SNTG1: variants seen among roughly 807,000 people sequenced by gnomAD.
SNTG1 encodes the protein syntrophin gamma 1.
SNTG1 carries 39 observed loss-of-function variants against 74.7 expected under a neutral mutation model. The ratio of observed to expected loss-of-function variants is 0.52; its 90% CI spans 0.40 to 0.68. The LOEUF is 0.68. Ranked by LOEUF, SNTG1 falls within the 30% of genes least tolerant of loss-of-function variation. The pLI is 0.00. For synonymous variants in SNTG1, 254 were observed against 217.1 expected, an observed-to-expected ratio of 1.17 and a Z score of -1.49; for missense variants, 685 against 609.5, an observed-to-expected ratio of 1.12 and a Z score of -1.30.
intron 2 of SNTG1, among the ~76,000 whole-genome samples, chr8:50,381,343 G>A (rs1209019926): frequency 2.0e-5 from 3 of 151,034 alleles, no homozygotes; most frequent in Admixed American, 6.6e-5. Context: ...TCATATTTTA[G>A]TACAAATCAA....
intron 1 of SNTG1, among the ~76,000 whole-genome samples, chr8:49,941,143 A>G (rs1285078494): frequency 2.0e-5 from 3 of 152,080 alleles, no homozygotes; most frequent in Non-Finnish European, 4.4e-5. Flanking sequence ...CTGACAACGC[A>G]AGAGTGGGTG....
At chr8:50,710,763 G>A (rs557111802) in intron 17 of SNTG1, among the ~76,000 whole-genome samples, 16 of 152,290 alleles carry the variant, frequency 1.1e-4, no homozygotes, top group African/African-American at 2.6e-4. Flanking sequence ...GAACGAGTGC[G>A]TAGTCAGGAG....
At chr8:50,557,670 G>A (rs931167) in intron 12 of SNTG1, among the ~76,000 whole-genome samples, 14,445 of 152,182 alleles carry the variant, frequency 0.095, 880 homozygotes, top group African/African-American at 0.17. Context: ...GGCCCACTCA[G>A]GTATTCCAGT....
chr8:50,745,655 CAA>C (rs2095553460), intron 17 of SNTG1, among the ~76,000 whole-genome samples: 1 of 151,974 alleles, frequency 6.6e-6, no homozygotes, highest in Non-Finnish European at 1.5e-5. Flanking sequence ...GAATGCAACT[CAA>C]GTGTCGGTCG....
chr8:50,478,624 C>G (rs971156666), intron 8 of SNTG1, among the ~76,000 whole-genome samples: 1 of 152,126 alleles, frequency 6.6e-6, no homozygotes, highest in Non-Finnish European at 1.5e-5. Context: ...CTTTCCTTCT[C>G]TTTCTGTGAG....
chr8:50,459,330 A>C (rs753531719), intron 8 of SNTG1, among the ~76,000 whole-genome samples: 16 of 152,046 alleles, frequency 1.1e-4, no homozygotes, highest in African/African-American at 3.9e-4. Context: ...TTTATATCTG[A>C]TTGTTAAGCA....
intron 1 of SNTG1, among the ~76,000 whole-genome samples, chr8:50,148,116 A>G (rs1483404472): frequency 1.3e-5 from 2 of 152,194 alleles, no homozygotes; most frequent in Non-Finnish European, 2.9e-5. Flanking sequence ...GTGTGTATAC[A>G]TAGATATATA....
At chr8:50,258,443 G>A (rs2086989095) in intron 2 of SNTG1, among the ~76,000 whole-genome samples, 1 of 152,102 alleles carries the variant, frequency 6.6e-6, no homozygotes, top group Admixed American at 6.5e-5. Flanking sequence ...AGAAAATCAA[G>A]TGATAGAATT....
chr8:50,134,657 T>C (rs1312387060), intron 1 of SNTG1, among the ~76,000 whole-genome samples: 2 of 152,256 alleles, frequency 1.3e-5, no homozygotes, highest in South Asian at 2.1e-4. Flanking sequence ...ACATTCCTTT[T>C]TCTTAACTTT....
chr8:50,182,178 A>G (rs1372255714), intron 2 of SNTG1, among the ~76,000 whole-genome samples: 4 of 152,202 alleles, frequency 2.6e-5, no homozygotes, highest in Admixed American at 2.0e-4. Flanking sequence ...TAAATGCCTA[A>G]GGGTTGAAGA....
At chr8:50,334,742 G>A (rs1167173553) in intron 2 of SNTG1, among the ~76,000 whole-genome samples, 2 of 152,074 alleles carry the variant, frequency 1.3e-5, no homozygotes, top group East Asian at 3.9e-4. Context: ...AAAGAAAAAT[G>A]AGCTTTCCTT....
At chr8:50,196,802 CA>C (rs542608239) in intron 2 of SNTG1, among the ~76,000 whole-genome samples, 154 of 99,840 alleles carry the variant, frequency 1.5e-3, no homozygotes, top group East Asian at 2.2e-3. Flanking sequence ...ACTAAAAATA[CA>C]AAAAAAAAAA....
intron 15 of SNTG1, among the ~76,000 whole-genome samples, chr8:50,688,277 A>G (rs1254652346): frequency 2.0e-5 from 3 of 152,024 alleles, no homozygotes; most frequent in Non-Finnish European, 4.4e-5. Context: ...CCCATTTGTC[A>G]ATTTTGGCTT....
chr8:50,658,640 G>A lies in SNTG1; in HGVS notation c.1015G>A (p.Glu339Lys). ...TRAEKTFSVY[E>K]IMCKILKDSD... ...AGCAGAGAAAACATTCTCAGTTTAT[G>A]AGATTATGTGCAAGATCCTCAAGGT... Residue 339 changes from glutamate (E) to lysine (K), a missense_variant, in exon 15 of 19, where the codon GAG becomes AAG. Coordinates refer to ENST00000642720, the MANE Select transcript of SNTG1 (RefSeq NM_018967.5). 1 of 1,610,712 alleles carries A rather than the reference G, an allele frequency of 6.2e-7. No individual in the cohort carries two copies. The highest frequency in any genetic ancestry group is 8.5e-7 in the Non-Finnish European group (1 of 1,177,702).
At chr8:50,026,877 G>A (rs941905769) in intron 1 of SNTG1, among the ~76,000 whole-genome samples, 1 of 152,108 alleles carries the variant, frequency 6.6e-6, no homozygotes, top group African/African-American at 2.4e-5. Flanking sequence ...GATGGTAAAA[G>A]AACAATTAAA....
intron 11 of SNTG1, 73 bp downstream of exon 11, chr8:50,536,881 A>T: frequency 6.5e-7 from 1 of 1,543,904 alleles, no homozygotes; most frequent in Non-Finnish European, 8.9e-7. Flanking sequence ...CTTTTGACAT[A>T]TCACAATACG....
chr8:50,066,022 C>T lies in SNTG1; in HGVS notation c.-102-106539C>T, dbSNP rs9298253. On this transcript the variant is annotated intron_variant, in intron 1 of 18. Coordinates refer to ENST00000642720, the MANE Select transcript of SNTG1 (RefSeq NM_018967.5). ...ACAAGGTCAGGAGTTCGAGACCAGC[C>T]TGGCCAACATGGTGAAACCCCGTCT... Among the ~76,000 whole-genome samples, 661 of 152,290 alleles carry T rather than the reference C, an allele frequency of 4.3e-3. 4 individuals are homozygous for T. Among genetic ancestry groups the T allele is most frequent in the African/African-American group, 0.015 (638 of 41,566 alleles).
At chr8:50,703,157 CA>C (rs2095431878) in intron 15 of SNTG1, among the ~76,000 whole-genome samples, 1 of 152,104 alleles carries the variant, frequency 6.6e-6, no homozygotes, top group Admixed American at 6.6e-5. Context: ...CTTACTGTAA[CA>C]TTTTTTACTT....
chr8:50,613,130 A>G (rs1211595861), intron 13 of SNTG1, among the ~76,000 whole-genome samples: 2 of 152,208 alleles, frequency 1.3e-5, no homozygotes, highest in East Asian at 3.8e-4. Context: ...GAAACATTGC[A>G]AAGTTTATGG....
Sources: gnomAD v4.1 joint callset for allele counts (sites outside exome capture counted in the v4.1 genomes callset) on GRCh38, gnomAD v4.1.1 for gene constraint, MANE v1.5 for transcripts, NCBI Gene and HGNC (gene_info 2026-07-23, HGNC 2026-07-21) for gene names.